The following MYO18B variants were observed in gnomAD, a reference collection of about 807,000 sequenced individuals.
The protein encoded by MYO18B is myosin XVIIIB, also known as unconventional myosin-XVIIIb.
MYO18B carries 204 observed loss-of-function variants against 273.0 expected under a neutral mutation model. The observed-to-expected ratio is 0.75, with a 90% CI of 0.67 to 0.84. The LOEUF is 0.84. Ranked by LOEUF, MYO18B falls within the 40% of genes least tolerant of loss-of-function variation. The probability of loss-of-function intolerance (pLI) is 0.00; values close to 1 mark genes in which losing one functional copy is unlikely to be tolerated. For missense variants in MYO18B, 3,212 were observed against 3,287.6 expected (o/e 0.98, Z 0.56); for synonymous variants, 1,330 against 1,305.7 (o/e 1.02, Z -0.40).
chr22:25,821,562 G>A (rs1188090941), intron 12 of MYO18B, among the ~76,000 whole-genome samples: 1 of 152,202 alleles, frequency 6.6e-6, no homozygotes, highest in Non-Finnish European at 1.5e-5. Context: ...CAGATCATGA[G>A]GTCGGGAGAT....
chr22:26,026,998 G>A lies in MYO18B; in HGVS notation c.7024G>A (p.Glu2342Lys), dbSNP rs370531504. The change falls in exon 43 of 44, where the codon GAA becomes AAA. Residue 2342 changes from glutamate (E) to lysine (K), a missense_variant. Coordinates refer to ENST00000335473, the MANE Select transcript of MYO18B (RefSeq NM_032608.7). ...TGTTGGGGGCACAACCCTACTCCCC[G>A]AAAAGTCGAAAACCCAATTCAGTTC... ...DGVGGTTLLPEKSKTQFSSCE... is the reference protein window; with the variant it reads ...DGVGGTTLLPKKSKTQFSSCE... The A allele has an allele frequency of 8.3e-5, 134 of 1,613,750 alleles. No homozygotes were observed. Among genetic ancestry groups the A allele is most frequent in the Middle Eastern group, 1.6e-4 (1 of 6,084 alleles).
intron 12 of MYO18B, among the ~76,000 whole-genome samples, chr22:25,819,458 C>T (rs1191827825): frequency 1.3e-5 from 2 of 152,188 alleles, no homozygotes; most frequent in African/African-American, 2.4e-5. Flanking sequence ...CTCTCAATCC[C>T]CAGCACAGGA....
chr22:25,961,434 A>G (rs1276251175), intron 39 of MYO18B, among the ~76,000 whole-genome samples: 1 of 152,106 alleles, frequency 6.6e-6, no homozygotes, highest in Non-Finnish European at 1.5e-5. Flanking sequence ...TGTAGTTTGA[A>G]TGTTTGTCCC....
At chr22:25,766,719 C>T (rs1338276858) in intron 3 of MYO18B, among the ~76,000 whole-genome samples, 1 of 152,180 alleles carries the variant, frequency 6.6e-6, no homozygotes, top group Non-Finnish European at 1.5e-5. Flanking sequence ...CAGTACAGTT[C>T]ATGCATGGGA....
chr22:25,921,213 A>T, intron 33 of MYO18B, 44 bp from the exon 34 acceptor site: 2 of 1,525,328 alleles, frequency 1.3e-6, no homozygotes, highest in East Asian at 2.5e-5. Flanking sequence ...GACCCTGGCC[A>T]CTGCTTTGCC....
At chr22:26,063,683 C>T in the MYO18B span, among the ~76,000 whole-genome samples, 37 of 152,172 alleles carry the variant, frequency 2.4e-4, no homozygotes, top group Non-Finnish European at 4.7e-4. Flanking sequence ...AAAGTTTGCC[C>T]CTCAACACTA....
At chr22:25,922,563 G>A (rs1256939633) in intron 34 of MYO18B, among the ~76,000 whole-genome samples, 10 of 152,118 alleles carry the variant, frequency 6.6e-5, no homozygotes, top group Admixed American at 1.3e-4. Flanking sequence ...ACCTTCCCTC[G>A]GATAAGTCAT....
the MYO18B span, among the ~76,000 whole-genome samples, chr22:26,042,919 T>G: frequency 2.8e-4 from 42 of 152,170 alleles, no homozygotes; most frequent in Non-Finnish European, 5.0e-4. Flanking sequence ...TGTTTCTAAT[T>G]TTTTTGTTGA....
At chr22:25,881,056 A>G (rs537169279) in intron 25 of MYO18B, among the ~76,000 whole-genome samples, 1 of 152,348 alleles carries the variant, frequency 6.6e-6, no homozygotes, top group African/African-American at 2.4e-5. Context: ...GACAATGGTA[A>G]CTGTAAATGG....
At chr22:25,961,091 C>T (rs2092913490) in intron 39 of MYO18B, among the ~76,000 whole-genome samples, 1 of 151,958 alleles carries the variant, frequency 6.6e-6, no homozygotes, top group East Asian at 1.9e-4. Context: ...CGTCTGCTGG[C>T]ATGTACCTGT....
intron 21 of MYO18B, among the ~76,000 whole-genome samples, chr22:25,852,917 T>A (rs527692257): frequency 3.9e-5 from 6 of 152,272 alleles, no homozygotes; most frequent in African/African-American, 1.4e-4. Flanking sequence ...ACATAGGGGA[T>A]CCACATAATT....
rs746695886 is a variant in MYO18B at position 25,768,751 on chromosome 22, C to G, written c.835C>G (p.Pro279Ala). 5.6e-6 allele frequency: 9 copies of G among 1,605,204 alleles called. No individual in the cohort carries two copies. The African/African-American group carries it at 1.2e-4, about 21-fold the overall frequency. ...QAQGPGEGVR[P>A]GKAEKEGAEP... ...CCAAGGGCCCGGCGAGGGGGTGCGACCAGGGAAAGCAGAGAAGGAGGGAGC... is the reference window on the plus strand; with the variant it reads ...CCAAGGGCCCGGCGAGGGGGTGCGAGCAGGGAAAGCAGAGAAGGAGGGAGC... Residue 279 changes from proline (P) to alanine (A), a missense_variant, in exon 4 of 44, where the codon CCA becomes GCA. Physicochemically the swap from Pro to Ala is conservative, Grantham distance 27. Transcript: ENST00000335473.
At chr22:25,797,095 C>G (rs557571243) in intron 11 of MYO18B, among the ~76,000 whole-genome samples, 1 of 152,108 alleles carries the variant, frequency 6.6e-6, no homozygotes, top group Non-Finnish European at 1.5e-5. Context: ...GGTGTGGTGG[C>G]GGGTGCCTGT....
chr22:25,990,272 C>T (rs1172499399), intron 39 of MYO18B, among the ~76,000 whole-genome samples: 4 of 152,148 alleles, frequency 2.6e-5, no homozygotes, highest in African/African-American at 4.8e-5. Context: ...GCAGTCATAG[C>T]CCCAGAAAGA....
chr22:26,051,985 T>A, the MYO18B span, among the ~76,000 whole-genome samples: 1 of 152,220 alleles, frequency 6.6e-6, no homozygotes, highest in Non-Finnish European at 1.5e-5. Flanking sequence ...TGATGAACAC[T>A]TGGATTGTTT....
chr22:25,857,736 C>T (rs2090615660), intron 21 of MYO18B, among the ~76,000 whole-genome samples: 1 of 152,238 alleles, frequency 6.6e-6, no homozygotes, highest in South Asian at 2.1e-4. Context: ...TCACTGCAAC[C>T]TCTGCCTCCT....
intron 13 of MYO18B, among the ~76,000 whole-genome samples, chr22:25,824,906 C>T (rs1019503034): frequency 7.3e-6 from 1 of 136,442 alleles, no homozygotes; most frequent in African/African-American, 2.8e-5. Context: ...CACATGTGCA[C>T]AGATACCACG....
intron 39 of MYO18B, among the ~76,000 whole-genome samples, chr22:25,981,864 C>T (rs918081167): frequency 3.3e-5 from 5 of 152,170 alleles, no homozygotes; most frequent in African/African-American, 9.7e-5. Flanking sequence ...AGCAGCTCAG[C>T]GGGTGTATTA....
chr22:26,048,015 G>A, the MYO18B span, among the ~76,000 whole-genome samples: 335 of 152,184 alleles, frequency 2.2e-3, 1 homozygote, highest in African/African-American at 7.9e-3. Flanking sequence ...CTCATGGCCG[G>A]CTCCTTCTCA....
Sources: allele counts gnomAD v4.1 joint callset (sites outside exome capture counted in the v4.1 genomes callset), GRCh38; gene constraint gnomAD v4.1.1; transcripts MANE v1.5; gene names NCBI Gene and HGNC (gene_info 2026-07-23, HGNC 2026-07-21).